P2RX5: variants seen among roughly 807,000 people sequenced by gnomAD.
P2RX5 encodes the protein P2X purinoceptor 5.
In P2RX5, 46 loss-of-function variants were observed where a neutral mutation model predicts 54.1. That is an observed-to-expected ratio of 0.85 (90% CI 0.67 to 1.09). The LOEUF is 1.09. Ranked by LOEUF, P2RX5 falls within the 50% of genes least tolerant of loss-of-function variation. P2RX5 has a pLI of 0.00. For missense variants in P2RX5, 566 were observed against 549.8 expected (o/e 1.03, Z -0.29); for synonymous variants, 226 against 226.4 (o/e 1.00, Z 0.02).
chr17:3,690,468 CT>C lies in P2RX5; in HGVS notation c.491del (p.Glu164GlyfsTer19). 1 of 1,613,252 alleles carries C rather than the reference CT, an allele frequency of 6.2e-7. No individual in the cohort carries two copies. Among genetic ancestry groups the C allele is most frequent in the Non-Finnish European group, 8.5e-7 (1 of 1,179,846 alleles). ...TCTCCAACGGGCACCAGGCAAAGATCTCACAGGTGCCCCTGGCCAAGTTCTC... is the reference window on the plus strand; with the variant it reads ...TCTCCAACGGGCACCAGGCAAAGATCCACAGGTGCCCCTGGCCAAGTTCTC... ...RRENLARGTC[E>X]IFAWCPLETS... On this transcript the variant is annotated frameshift_variant, in exon 5 of 12. Coordinates refer to ENST00000225328, the MANE Select transcript of P2RX5 (RefSeq NM_002561.4). LOFTEE classifies it high-confidence loss of function.
intron 11 of P2RX5, chr17:3,675,360 A>G (rs1024805055): frequency 3.5e-5 from 34 of 985,080 alleles, no homozygotes; most frequent in Non-Finnish European, 3.9e-5. Context: ...TTTTGTTGCA[A>G]TATGAAACAA....
chr17:3,699,094 C>CACACACACACACACACA (rs57191097), upstream of P2RX5, among the ~76,000 whole-genome samples: 1 of 106,968 alleles, frequency 9.3e-6, no homozygotes, highest in Non-Finnish European at 1.8e-5. Flanking sequence ...CACACACACA[C>CACACACACACACACACA]CTATATATAT....
the P2RX5 span, among the ~76,000 whole-genome samples, chr17:3,703,587 A>C: frequency 6.6e-6 from 1 of 152,064 alleles, no homozygotes; most frequent in African/African-American, 2.4e-5. Context: ...AAGAGGAAAA[A>C]TGTCAGCTGC....
chr17:3,713,588 T>C, the P2RX5 span, among the ~76,000 whole-genome samples: 1 of 151,758 alleles, frequency 6.6e-6, no homozygotes. Flanking sequence ...CCATCTCTAC[T>C]AAAAATACAA....
intron 9 of P2RX5, among the ~76,000 whole-genome samples, chr17:3,685,230 C>A (rs554123581): frequency 6.6e-6 from 1 of 152,174 alleles, no homozygotes; most frequent in African/African-American, 2.4e-5. Flanking sequence ...ATCCCAGCCA[C>A]GCCTCGGCTG....
intron 7 of P2RX5, 92 bp downstream of exon 7, chr17:3,689,400 C>T: frequency 6.8e-7 from 1 of 1,473,246 alleles, no homozygotes; most frequent in Non-Finnish European, 9.4e-7. Context: ...CACCCTCGCC[C>T]CACGAGTCCC....
intron 8 of P2RX5, among the ~76,000 whole-genome samples, 166 bp from the exon 9 acceptor site, chr17:3,688,271 C>T (rs1446118634): frequency 2.0e-5 from 3 of 152,128 alleles, no homozygotes; most frequent in African/African-American, 7.2e-5. Context: ...AACAAAGAGG[C>T]ATCCAGCTAT....
intron 7 of P2RX5, among the ~76,000 whole-genome samples, chr17:3,689,021 C>T (rs1178504276): frequency 1.3e-5 from 2 of 152,248 alleles, no homozygotes; most frequent in Non-Finnish European, 2.9e-5. Context: ...GCACTTCACA[C>T]TCCAGCCAGC....
At chr17:3,690,017 G>A in intron 6 of P2RX5, 53 bp downstream of exon 6, 1 of 1,504,324 alleles carries the variant, frequency 6.6e-7, no homozygotes, top group Non-Finnish European at 9.3e-7. Context: ...GCCAGCCAAG[G>A]CCCCTCATCG....
At chr17:3,701,762 T>TG in the P2RX5 span, among the ~76,000 whole-genome samples, 1 of 99,136 alleles carries the variant, frequency 1.0e-5, no homozygotes, top group African/African-American at 3.2e-5. Flanking sequence ...TTTTTTTTTG[T>TG]TTTTTTTTTT....
chr17:3,699,824 A>AAGAGAG (rs71153388), upstream of P2RX5, among the ~76,000 whole-genome samples: 53 of 115,910 alleles, frequency 4.6e-4, no homozygotes, highest in African/African-American at 7.7e-4. Context: ...GAAAGAGAGA[A>AAGAGAG]AGAGAGAGAG....
intron 9 of P2RX5, among the ~76,000 whole-genome samples, chr17:3,683,346 A>G (rs2050339209): frequency 6.6e-6 from 1 of 152,144 alleles, no homozygotes. Context: ...CCAACCCCAA[A>G]CCTAACCTTG....
At chr17:3,688,144 T>TAAAGAGGGAAGGCCAGGCA in intron 8 of P2RX5, 39 bp from the exon 9 acceptor site, 1 of 1,124,418 alleles carries the variant, frequency 8.9e-7, no homozygotes, top group African/African-American at 1.5e-5. Context: ...TCAGCCTGCC[T>TAAAGAGGGAAGGCCAGGCA]GGCCTTCCCT....
In P2RX5 at chr17:3,677,388, C is replaced by T. The variant is rs2050129323; in HGVS notation, c.1259+2202G>A. The stretch of plus-strand genomic sequence containing the variant: ...ATGGAGCAGAGGCCTCTTGCCTCCC[C>T]TTCCCCATCTTACCTAGACTCCCCA... On this transcript the variant is annotated intron_variant, in intron 11 of 11. Coordinates refer to ENST00000225328, the MANE Select transcript of P2RX5 (RefSeq NM_002561.4). 8 of 985,288 alleles carry T rather than the reference C, an allele frequency of 8.1e-6. No individual in the cohort carries two copies. The South Asian group carries it at 3.3e-4, about 40-fold the overall frequency. 61.0% of individuals were successfully genotyped at this position (985,288 alleles called of 1,614,324 possible).
the P2RX5 span, chr17:3,717,674 G>C: frequency 6.6e-6 from 1 of 152,172 alleles, no homozygotes; most frequent in African/African-American, 2.4e-5. Context: ...GTTTCTGTAC[G>C]GGGTGAAGGG....
chr17:3,679,818 C>T (rs2050189081), intron 10 of P2RX5, 34 bp from the exon 11 acceptor site: 1 of 1,585,424 alleles, frequency 6.3e-7, no homozygotes, highest in South Asian at 1.1e-5. Flanking sequence ...CCTGGGACGG[C>T]CCTGCAGGGT....
the P2RX5 span, among the ~76,000 whole-genome samples, chr17:3,704,046 G>A: frequency 6.6e-6 from 1 of 152,160 alleles, no homozygotes; most frequent in Non-Finnish European, 1.5e-5. Context: ...AGGTTGTGGT[G>A]AGCTGAGATG....
At chr17:3,688,200 C>G (rs2050504143) in intron 8 of P2RX5, 95 bp from the exon 9 acceptor site, 1 of 741,162 alleles carries the variant, frequency 1.3e-6, no homozygotes, top group South Asian at 1.5e-5. Context: ...TAGAAGGACT[C>G]CCGGAACCCT....
intron 11 of P2RX5, chr17:3,675,523 G>A (rs2050082583): frequency 1.0e-6 from 1 of 984,522 alleles, no homozygotes; most frequent in Non-Finnish European, 1.2e-6. Flanking sequence ...GTGAAGAAGT[G>A]ACACACCTAA....
Sources: gnomAD v4.1 joint callset for allele counts (sites outside exome capture counted in the v4.1 genomes callset) on GRCh38, gnomAD v4.1.1 for gene constraint, MANE v1.5 for transcripts, NCBI Gene and HGNC (gene_info 2026-07-23, HGNC 2026-07-21) for gene names.